Variants in AGO1 observed in about 807,000 individuals in gnomAD.
AGO1 encodes the protein protein argonaute-1.
AGO1 carries 11 observed loss-of-function variants against 109.2 expected under a neutral mutation model. The observed-to-expected ratio is 0.10, with a 90% CI of 0.06 to 0.17. The LOEUF (loss-of-function observed/expected upper bound fraction) is 0.17. AGO1 is among the 10% of genes least tolerant of loss of function. The probability of loss-of-function intolerance (pLI) is 1.00; values close to 1 mark genes in which losing one functional copy is unlikely to be tolerated. For synonymous variants in AGO1, 422 were observed against 418.6 expected, an observed-to-expected ratio of 1.01 and a Z score of -0.10; for missense variants, 574 against 1,140.3, an observed-to-expected ratio of 0.50 and a Z score of 7.15.
chr1:35,902,060 A>G lies in AGO1; in HGVS notation c.1253A>G (p.Tyr418Cys). The G allele has an allele frequency of 6.2e-7, 1 of 1,603,916 alleles. No homozygotes were observed. The highest frequency in any genetic ancestry group is 8.5e-7 in the Non-Finnish European group (1 of 1,175,042). Residue 418 changes from tyrosine to cysteine, a missense_variant, in exon 10 of 19, where the codon TAC becomes TGC. Physicochemically the swap from Tyr to Cys is radical, Grantham distance 194. Around this residue, in one of 8 missense-constraint regions of AGO1, gnomAD observed 106 missense variants for 147.8 expected, o/e 0.72. Transcript: ENST00000373204. ...GRVLPAPILQ[Y>C]GGRNRAIATP... ...GTGCTGCCGGCGCCCATCTTGCAGTACGGCGGCCGGGTGAGCAGGGTCAGG... is the reference window on the plus strand; with the variant it reads ...GTGCTGCCGGCGCCCATCTTGCAGTGCGGCGGCCGGGTGAGCAGGGTCAGG...
chr1:35,879,199 C>A (rs918183195), upstream of AGO1, among the ~76,000 whole-genome samples: 11 of 152,312 alleles, frequency 7.2e-5, no homozygotes, highest in African/African-American at 2.2e-4. Context: ...CCTGTAATCC[C>A]AGCACTTTGG....
At chr1:35,917,045 G>A (rs372469809) in intron 15 of AGO1, among the ~76,000 whole-genome samples, 2 of 152,178 alleles carry the variant, frequency 1.3e-5, no homozygotes, top group Non-Finnish European at 2.9e-5. Context: ...TGACATCCAC[G>A]GCCACAGGCA....
chr1:35,883,143 T>G (rs1359423463), upstream of AGO1: 3 of 1,118,132 alleles, frequency 2.7e-6, no homozygotes, highest in African/African-American at 4.9e-5. This position sits in a 1 kb window ranked among gnomAD's most constrained non-coding sequence, Gnocchi z 5.4. Flanking sequence ...TGGCCTTTGT[T>G]GCCGTCGGAG....
chr1:35,927,401 A>G lies in AGO1; in HGVS notation c.*7794A>G, dbSNP rs1645951426. ...TTTCTTGAAATTTTTTTGCTCTGCC[A>G]TCCTCCATGTTTATCCTCACGCCAG... On this transcript the variant is annotated 3_prime_UTR_variant, in exon 19 of 19. Transcript: ENST00000373204. The G allele has an allele frequency of 6.6e-6, 1 of 152,136 alleles. No individual in the cohort carries two copies. Among genetic ancestry groups the G allele is most frequent in the African/African-American group, 2.4e-5 (1 of 41,440 alleles). 9.4% of individuals were successfully genotyped at this position (152,136 alleles called of 1,614,324 possible).
Position 35,895,117 on chromosome 1 carries a change from A to G in AGO1, c.873-5A>G. 6.2e-7 allele frequency: 1 copy of G among 1,607,766 alleles called. No homozygotes were observed. The highest frequency in any genetic ancestry group is 8.5e-7 in the Non-Finnish European group (1 of 1,177,222). On this transcript the variant is annotated splice_polypyrimidine_tract_variant and splice_region_variant and intron_variant, in intron 7 of 18. Coordinates refer to ENST00000373204, the MANE Select transcript of AGO1 (RefSeq NM_012199.5). ...ACACCCCCTTCCTTCCCTTCTTCTG[A>G]ACAGATTCCCCTTACAGCTGGAGAG...
At chr1:35,889,183 CTTTTTTT>C (rs35255117) in intron 2 of AGO1, among the ~76,000 whole-genome samples, 34 of 113,408 alleles carry the variant, frequency 3.0e-4, no homozygotes, top group Non-Finnish European at 4.7e-4. Flanking sequence ...GTGATATTTC[CTTTTTTT>C]TTTTTTTTTT....
Position 35,918,327 on chromosome 1 carries a change from G to A in AGO1, c.2169G>A (p.Gly723=). Residue 723 remains glycine, a synonymous_variant, in exon 17 of 19, where the codon GGG becomes GGA. Coordinates refer to ENST00000373204, the MANE Select transcript of AGO1 (RefSeq NM_012199.5). ...TTGTGTTTGTCTCTATACAGATTGG[G>A]AAGAGTGGTAACATCCCAGCTGGGA... is the stretch of plus-strand genomic sequence containing the variant. ...LFCADKNERI[G]KSGNIPAGTT... The A allele has an allele frequency of 6.2e-7, 1 of 1,613,568 alleles. No individual in the cohort carries two copies. The highest frequency in any genetic ancestry group is 8.5e-7 in the Non-Finnish European group (1 of 1,179,474).
At chr1:35,906,340 G>A (rs761885600) in intron 11 of AGO1, among the ~76,000 whole-genome samples, 18 of 152,226 alleles carry the variant, frequency 1.2e-4, no homozygotes, top group Non-Finnish European at 2.2e-4. Flanking sequence ...TGAAGCACAG[G>A]AATCAGCTGC....
At chr1:35,912,411 A>G (rs901350741) in intron 12 of AGO1, among the ~76,000 whole-genome samples, 2 of 150,922 alleles carry the variant, frequency 1.3e-5, no homozygotes, top group Non-Finnish European at 3.0e-5. Flanking sequence ...ACCTGTACCT[A>G]ATTATCACAC....
At chr1:35,871,523 CAG>C (rs1644951198) in intron 1 of AGO1, among the ~76,000 whole-genome samples, 1 of 149,614 alleles carries the variant, frequency 6.7e-6, no homozygotes. Context: ...AGCCTGGTGA[CAG>C]AGCAAGACTC....
chr1:35,888,727 G>T lies in AGO1; in HGVS notation c.209+117G>T, dbSNP rs1432137745. 1 of 1,146,226 alleles carries T rather than the reference G, an allele frequency of 8.7e-7. No homozygotes were observed. The highest frequency in any genetic ancestry group is 1.2e-6 in the Non-Finnish European group (1 of 825,336). The allele number at this position is 1,146,226 out of a possible 1,614,324, so 71.0% of individuals were successfully genotyped here. A position where few individuals can be genotyped will look rare whatever the true frequency, so the allele number is the denominator to read the frequency against. On this transcript the variant is annotated intron_variant, in intron 2 of 18. Transcript: ENST00000373204. The surrounding 1 kb of genome is among the most constrained non-coding windows in gnomAD (Gnocchi z 4.1). ...TATCACCAAATCTAAGGAAGTTTTT[G>T]AACGGGAGATGCCACGTCGGGTAAA... is the stretch of plus-strand genomic sequence containing the variant.
chr1:35,883,273 G>A lies in AGO1; in HGVS notation c.-149G>A, dbSNP rs867649714. ...AGGCTCCGCGGCGGCGGCAACGGAG[G>A]CTGCGGGGGCGGCGGCGCGAGCGGC... is the stretch of plus-strand genomic sequence containing the variant. On this transcript the variant is annotated 5_prime_UTR_variant, in exon 1 of 19. Transcript: ENST00000373204. This position sits in a 1 kb window ranked among gnomAD's most constrained non-coding sequence, Gnocchi z 5.4. 1.7e-4 allele frequency: 234 copies of A among 1,388,218 alleles called. No individual in the cohort carries two copies. In the Middle Eastern group the frequency reaches 1.9e-3, roughly 11 times the overall value. The allele number at this position is 1,388,218 out of a possible 1,614,324, so 86.0% of individuals were successfully genotyped here.
At chr1:35,887,437 C>T (rs1447944526) in intron 1 of AGO1, among the ~76,000 whole-genome samples, 1 of 152,144 alleles carries the variant, frequency 6.6e-6, no homozygotes, top group Non-Finnish European at 1.5e-5. Context: ...GCCAGACTGG[C>T]AAAAGAGGGT....
At position 35,874,074 on chromosome 1, in the gene AGO1, G is replaced by T. The variant is rs2148703051; in HGVS notation, c.-201+4171G>T. On this transcript the variant is annotated intron_variant, in intron 1 of 18. Transcript: ENST00000373206. ...ACTGTATCTGTATGGCAATCTGTAA[G>T]CAGTGACCTGTGATGTTACTATTGC... Among the ~76,000 whole-genome samples, 3 of 152,322 alleles carry T rather than the reference G, an allele frequency of 2.0e-5. 1 individual carries two copies. In the Middle Eastern group the frequency reaches 0.01, roughly 518 times the overall value.
chr1:35,871,920 A>G (rs527342391), intron 1 of AGO1, among the ~76,000 whole-genome samples: 23 of 151,488 alleles, frequency 1.5e-4, no homozygotes, highest in South Asian at 4.2e-4. Flanking sequence ...ATACAAAAAA[A>G]TTAGCCGGGT....
At chr1:35,906,085 T>A (rs1321824281) in intron 11 of AGO1, among the ~76,000 whole-genome samples, 1 of 152,222 alleles carries the variant, frequency 6.6e-6, no homozygotes, top group East Asian at 1.9e-4. Flanking sequence ...TATCTTTATG[T>A]AGCTTGATTT....
At chr1:35,911,631 T>C (rs1360892324) in intron 12 of AGO1, among the ~76,000 whole-genome samples, 4 of 152,248 alleles carry the variant, frequency 2.6e-5, no homozygotes, top group East Asian at 1.9e-4. Context: ...GGCTTGCCGC[T>C]ATTCCATCTC....
At position 35,914,013 on chromosome 1, in the gene AGO1, G is replaced by C; in HGVS notation, c.1742+12G>C. ...GTCCCACACCAGCGGTATGAACTCT[G>C]TTGTCCACTTGCCCTTGTCAAGGTA... On this transcript the variant is annotated intron_variant, in intron 13 of 18. Transcript: ENST00000373204. The C allele has an allele frequency of 6.2e-7, 1 of 1,613,932 alleles. No individual in the cohort carries two copies. Among genetic ancestry groups the C allele is most frequent in the African/African-American group, 1.3e-5 (1 of 75,010 alleles).
chr1:35,894,268 A>C (rs1408903171), intron 6 of AGO1, 47 bp from the exon 7 acceptor site: 1 of 1,610,782 alleles, frequency 6.2e-7, no homozygotes. Context: ...AAGCCTGGGC[A>C]CATGAGCAAC....
Sources: gnomAD v4.1 joint callset for allele counts (sites outside exome capture counted in the v4.1 genomes callset) on GRCh38, gnomAD v4.1.1 for gene constraint, gnomAD v4.1.1 regional missense constraint, Gnocchi (gnomAD v3.1) non-coding constraint, MANE v1.5 for transcripts, NCBI Gene and HGNC (gene_info 2026-07-23, HGNC 2026-07-21) for gene names.